EHBP1: variants seen among roughly 807,000 people sequenced by gnomAD.
EHBP1 encodes the protein EH domain binding protein 1, also known as EH domain-binding protein 1.
Under a neutral mutation model 144.0 loss-of-function variants are expected in EHBP1, and 55 were observed. The ratio of observed to expected loss-of-function variants is 0.38; its 90% confidence interval spans 0.31 to 0.48. The LOEUF (loss-of-function observed/expected upper bound fraction) is 0.48, where lower values mean the gene tolerates loss of function less well. Ranked by LOEUF, EHBP1 falls within the 20% of genes least tolerant of loss-of-function variation. The probability of loss-of-function intolerance (pLI) is 0.98; values close to 1 mark genes in which losing one functional copy is unlikely to be tolerated. For synonymous variants in EHBP1, 469 were observed against 472.7 expected (o/e 0.99, Z 0.10); for missense variants, 1,200 against 1,364.2 (o/e 0.88, Z 1.90).
intron 2 of EHBP1, among the ~76,000 whole-genome samples, chr2:62,738,876 C>T (rs1019559777): frequency 2.0e-5 from 3 of 152,124 alleles, no homozygotes; most frequent in Non-Finnish European, 2.9e-5. Context: ...GATATTGTCT[C>T]GGCTTCCTTC....
intron 8 of EHBP1, among the ~76,000 whole-genome samples, chr2:62,864,085 T>G (rs552819574): frequency 1.6e-3 from 241 of 152,042 alleles, no homozygotes; most frequent in Non-Finnish European, 2.8e-3. Flanking sequence ...TGACCTCAAG[T>G]GATCTACCCA....
chr2:62,676,490 T>C (rs895063624), intron 1 of EHBP1, among the ~76,000 whole-genome samples: 3 of 152,228 alleles, frequency 2.0e-5, no homozygotes, highest in Non-Finnish European at 4.4e-5. Flanking sequence ...CCTAATTTGA[T>C]TCACTCTGGG....
chr2:62,945,063 T>C (rs2056986276), intron 12 of EHBP1, among the ~76,000 whole-genome samples: 1 of 152,246 alleles, frequency 6.6e-6, no homozygotes, highest in Non-Finnish European at 1.5e-5. Flanking sequence ...ACCACCATAG[T>C]GTTAACCATG....
chr2:62,794,441 T>G (rs1322778884), intron 5 of EHBP1, among the ~76,000 whole-genome samples: 2 of 152,076 alleles, frequency 1.3e-5, no homozygotes, highest in South Asian at 4.1e-4. Context: ...TTCTTATGTA[T>G]TCATATATTA....
chr2:62,818,460 A>G (rs2045611502), intron 5 of EHBP1, among the ~76,000 whole-genome samples: 2 of 152,124 alleles, frequency 1.3e-5, no homozygotes, highest in South Asian at 2.1e-4. Context: ...GCAATAGGCT[A>G]TACCACATAG....
At chr2:62,735,862 A>G (rs903516277) in intron 2 of EHBP1, among the ~76,000 whole-genome samples, 1 of 152,022 alleles carries the variant, frequency 6.6e-6, no homozygotes, top group Non-Finnish European at 1.5e-5. Flanking sequence ...TCTTGTTTGC[A>G]TGGTTTCTGA....
intron 10 of EHBP1, among the ~76,000 whole-genome samples, chr2:62,894,120 A>G (rs571699726): frequency 1.3e-5 from 2 of 152,112 alleles, no homozygotes; most frequent in Admixed American, 1.3e-4. Context: ...TCATGCATTC[A>G]ATATTTATGT....
intron 13 of EHBP1, among the ~76,000 whole-genome samples, chr2:62,952,478 T>G (rs768106705): frequency 3.9e-5 from 6 of 152,212 alleles, no homozygotes; most frequent in Non-Finnish European, 8.8e-5. Flanking sequence ...ACTCTTACAA[T>G]TAAGACCATT....
At chr2:62,681,596 T>C (rs1476936070) in intron 1 of EHBP1, among the ~76,000 whole-genome samples, 1 of 151,802 alleles carries the variant, frequency 6.6e-6, no homozygotes, top group Non-Finnish European at 1.5e-5. Context: ...GACAGGCCAT[T>C]TATAGCCAAC....
chr2:63,023,095 A>C (rs1036122543), intron 19 of EHBP1, among the ~76,000 whole-genome samples: 16 of 152,134 alleles, frequency 1.1e-4, no homozygotes, highest in Non-Finnish European at 1.5e-5. Flanking sequence ...AATCGCTGGA[A>C]CCCTGGGCAG....
At chr2:62,972,255 T>C (rs1404889961) in intron 14 of EHBP1, among the ~76,000 whole-genome samples, 1 of 152,182 alleles carries the variant, frequency 6.6e-6, no homozygotes, top group Non-Finnish European at 1.5e-5. Context: ...GTCAGAAATA[T>C]TATGAACGTA....
At chr2:62,755,073 C>A (rs1359198355) in intron 3 of EHBP1, among the ~76,000 whole-genome samples, 1 of 152,260 alleles carries the variant, frequency 6.6e-6, no homozygotes, top group African/African-American at 2.4e-5. Context: ...CTGTCTTCTG[C>A]ATCGCTCAAC....
At chr2:62,921,403 C>G (rs1411733888) in intron 10 of EHBP1, among the ~76,000 whole-genome samples, 1 of 151,692 alleles carries the variant, frequency 6.6e-6, no homozygotes, top group Non-Finnish European at 1.5e-5. Context: ...CAAGATTGCA[C>G]CACTGCACTC....
chr2:62,740,885 T>C (rs1417992944), intron 2 of EHBP1, among the ~76,000 whole-genome samples: 2 of 152,200 alleles, frequency 1.3e-5, no homozygotes, highest in Admixed American at 6.5e-5. Flanking sequence ...CTCAGCACTT[T>C]GAAATGTAAG....
chr2:62,757,689 C>A (rs1211966794), intron 3 of EHBP1, among the ~76,000 whole-genome samples: 2 of 152,040 alleles, frequency 1.3e-5, no homozygotes, highest in Non-Finnish European at 2.9e-5. Context: ...CTGCCTTGGC[C>A]TTCCAAAGTG....
chr2:62,756,298 A>T (rs1275228888), intron 3 of EHBP1, among the ~76,000 whole-genome samples: 1 of 152,218 alleles, frequency 6.6e-6, no homozygotes, highest in Non-Finnish European at 1.5e-5. Context: ...TGATTTTCAT[A>T]GAATATAGTA....
intron 19 of EHBP1, among the ~76,000 whole-genome samples, chr2:63,031,203 A>G (rs1246663055): frequency 6.6e-6 from 1 of 152,182 alleles, no homozygotes; most frequent in Non-Finnish European, 1.5e-5. Context: ...CCATGACATG[A>G]CTGTGAGAAG....
intron 8 of EHBP1, among the ~76,000 whole-genome samples, chr2:62,860,456 C>T (rs1166897919): frequency 6.6e-6 from 1 of 151,788 alleles, no homozygotes; most frequent in Non-Finnish European, 1.5e-5. Flanking sequence ...CGCCATTGCA[C>T]TCCAGCCTGG....
At chr2:62,697,194 C>G (rs1233135617) in intron 1 of EHBP1, among the ~76,000 whole-genome samples, 1 of 152,134 alleles carries the variant, frequency 6.6e-6, no homozygotes, top group African/African-American at 2.4e-5. Flanking sequence ...TTTGTAGTTA[C>G]AATCATGTTG....
Sources: allele counts gnomAD v4.1 joint callset (sites outside exome capture counted in the v4.1 genomes callset), GRCh38; gene constraint gnomAD v4.1.1; transcripts MANE v1.5; gene names NCBI Gene and HGNC (gene_info 2026-07-23, HGNC 2026-07-21).